RRP1B: variants seen among roughly 807,000 people sequenced by gnomAD.
RRP1B encodes ribosomal RNA processing 1B.
A neutral mutation model predicts 80.2 loss-of-function variants in RRP1B; 56 were observed. That is an observed-to-expected ratio of 0.70 (90% CI 0.56 to 0.87). The LOEUF is 0.87. Ranked by LOEUF, RRP1B falls within the 40% of genes least tolerant of loss-of-function variation. The probability of loss-of-function intolerance (pLI) is 0.00; values close to 1 mark genes in which losing one functional copy is unlikely to be tolerated. For synonymous variants in RRP1B, 351 were observed against 357.6 expected, an observed-to-expected ratio of 0.98 and a Z score of 0.21; for missense variants, 807 against 939.8, an observed-to-expected ratio of 0.86 and a Z score of 1.85.
intron 3 of RRP1B, among the ~76,000 whole-genome samples, chr21:43,673,576 A>G (rs1012761548): frequency 6.6e-6 from 1 of 150,694 alleles, no homozygotes; most frequent in South Asian, 2.1e-4. Context: ...AGAGGTTGCA[A>G]TGAGCTGAGA....
chr21:43,681,981 T>A (rs925027317), intron 8 of RRP1B, among the ~76,000 whole-genome samples: 22 of 151,446 alleles, frequency 1.5e-4, no homozygotes, highest in African/African-American at 4.9e-4. Context: ...AAAGAAATAG[T>A]CTAGTCTAGG....
rs573562193 is a variant in RRP1B, at chr21:43,672,496, G to A, written c.271+131G>A. 787 of 765,540 alleles carry A rather than the reference G, an allele frequency of 1.0e-3. 2 individuals carry two copies. Among genetic ancestry groups the A allele is most frequent in the Non-Finnish European group, 1.3e-3 (583 of 448,520 alleles). 47.4% of individuals were successfully genotyped at this position (765,540 alleles called of 1,614,324 possible). On this transcript the variant is annotated intron_variant, in intron 3 of 15. Transcript: ENST00000340648. The stretch of plus-strand genomic sequence containing the variant: ...GTTTTTAAAAGCTGTGATAAACTTA[G>A]TCATTGACTTGGTGAGAGGGCACAG...
intron 7 of RRP1B, 60 bp from the exon 8 acceptor site, chr21:43,676,673 A>G (rs1003624630): frequency 2.7e-6 from 4 of 1,492,902 alleles, no homozygotes; most frequent in African/African-American, 2.8e-5. Context: ...GTGCCCCTGA[A>G]GCCAGAAGGC....
intron 12 of RRP1B, 102 bp from the exon 13 acceptor site, chr21:43,687,412 AAT>A (rs1244158831): frequency 5.3e-6 from 7 of 1,308,958 alleles, no homozygotes; most frequent in Non-Finnish European, 6.1e-6. Context: ...CTCGTGGTAG[AAT>A]GTCAGGAAAT....
chr21:43,663,698 C>A (rs1237852621), intron 1 of RRP1B, among the ~76,000 whole-genome samples: 1 of 152,064 alleles, frequency 6.6e-6, no homozygotes, highest in African/African-American at 2.4e-5. Context: ...GCTGGGACTA[C>A]AGGCATGCAC....
chr21:43,667,412 G>GGT (rs72166295), intron 1 of RRP1B, among the ~76,000 whole-genome samples: 2,404 of 151,016 alleles, frequency 0.016, 66 homozygotes, highest in African/African-American at 0.054. Flanking sequence ...TTTTGTTGTT[G>GGT]GTGTGTGTGT....
intron 8 of RRP1B, among the ~76,000 whole-genome samples, chr21:43,678,890 G>A (rs2083032467): frequency 6.6e-6 from 1 of 152,114 alleles, no homozygotes; most frequent in Non-Finnish European, 1.5e-5. Context: ...CAATTTGTAT[G>A]GTTTCAGGTC....
intron 12 of RRP1B, among the ~76,000 whole-genome samples, chr21:43,687,279 T>C (rs886207405): frequency 6.6e-6 from 1 of 152,122 alleles, no homozygotes; most frequent in Admixed American, 6.5e-5. Flanking sequence ...ACTATTTCAG[T>C]TCCATATGTG....
At chr21:43,675,844 A>G (rs1481773017) in intron 6 of RRP1B, among the ~76,000 whole-genome samples, 2 of 73,854 alleles carry the variant, frequency 2.7e-5, no homozygotes, top group East Asian at 5.7e-4. Flanking sequence ...GGTATTTTGC[A>G]TTTTATTTTA....
intron 13 of RRP1B, among the ~76,000 whole-genome samples, chr21:43,689,232 T>C (rs1256956309): frequency 1.3e-5 from 2 of 152,272 alleles, no homozygotes; most frequent in Non-Finnish European, 2.9e-5. Context: ...GACAGAGACC[T>C]GCGGTCTGTA....
chr21:43,693,018 G>A lies in RRP1B; in HGVS notation c.2084-172G>A, dbSNP rs2083093208. Among the ~76,000 whole-genome samples, 2 of 152,132 alleles carry A rather than the reference G, an allele frequency of 1.3e-5. No individual in the cohort carries two copies. The highest frequency in any genetic ancestry group is 4.8e-5 in the African/African-American group (2 of 41,430). ...TTGAGGCATGGGATGTGGCCTCACTGCCCTCCTTTCCTCAGAAGGCTCTTG... is the reference window on the plus strand; with the variant it reads ...TTGAGGCATGGGATGTGGCCTCACTACCCTCCTTTCCTCAGAAGGCTCTTG... On this transcript the variant is annotated intron_variant, in intron 15 of 15. Coordinates refer to ENST00000340648, the MANE Select transcript of RRP1B (RefSeq NM_015056.3). This position sits in a 1 kb window ranked among gnomAD's most constrained non-coding sequence, Gnocchi z 4.1.
At position 43,695,168 on chromosome 21, in the gene RRP1B, ACTTTT is replaced by A. The variant is rs1165574243; in HGVS notation, c.*1791_*1795del. ...CAATTAAGGTGAGCAAATAGTTTTA[ACTTTT>A]CTTTTTTTTTTTTAAGTTTCATTCT... On this transcript the variant is annotated 3_prime_UTR_variant, in exon 16 of 16. Coordinates refer to ENST00000340648, the MANE Select transcript of RRP1B (RefSeq NM_015056.3). The A allele has an allele frequency of 2.8e-5, 3 of 105,936 alleles. No individual in the cohort carries two copies. Among genetic ancestry groups the A allele is most frequent in the Admixed American group, 1.2e-4 (1 of 8,280 alleles). 6.6% of individuals were successfully genotyped at this position (105,936 alleles called of 1,614,324 possible).
intron 14 of RRP1B, 84 bp downstream of exon 14, chr21:43,690,524 G>C: frequency 1.3e-6 from 2 of 1,487,080 alleles, no homozygotes; most frequent in South Asian, 2.5e-5. Flanking sequence ...CCCATGCCGG[G>C]CCTGGAGCCC....
Position 43,693,267 on chromosome 21 carries a change from C to G in RRP1B, c.2161C>G (p.Pro721Ala). The G allele has an allele frequency of 6.2e-7, 1 of 1,614,014 alleles. No individual in the cohort carries two copies. The highest frequency in any genetic ancestry group is 8.5e-7 in the Non-Finnish European group (1 of 1,179,986). ...SRVAFDPEQK[P>A]LHGVLKTPTS... is the part of the protein sequence containing the mutation. The stretch of plus-strand genomic sequence containing the variant: ...AGTGGCCTTCGACCCTGAACAGAAG[C>G]CCCTCCACGGGGTGCTGAAGACCCC... The change falls in exon 16 of 16, where the codon CCC (proline) becomes GCC (alanine). Residue 721 changes from proline to alanine, a missense_variant. Transcript: ENST00000340648. The surrounding 1 kb of genome is among the most constrained non-coding windows in gnomAD (Gnocchi z 4.1).
In RRP1B at chr21:43,691,224, G is replaced by A. The variant is rs531454805; in HGVS notation, c.2020-215G>A. Among the ~76,000 whole-genome samples the A allele has an allele frequency of 1.3e-5, 2 of 152,300 alleles. No homozygotes were observed. The highest frequency in any genetic ancestry group is 2.1e-4 in the South Asian group (1 of 4,828). On this transcript the variant is annotated intron_variant, in intron 14 of 15. Coordinates refer to ENST00000340648, the MANE Select transcript of RRP1B (RefSeq NM_015056.3). The surrounding 1 kb of genome is among the most constrained non-coding windows in gnomAD (Gnocchi z 4.2). ...GGCTGGGGGGTTGCGTGTGTGGGACGCTGGGAAGGACAAAGGGCGGTCCTG... is the reference window on the plus strand; with the variant it reads ...GGCTGGGGGGTTGCGTGTGTGGGACACTGGGAAGGACAAAGGGCGGTCCTG...
intron 9 of RRP1B, among the ~76,000 whole-genome samples, chr21:43,684,089 T>TTTTTTTA (rs2083053841): frequency 6.7e-6 from 1 of 150,342 alleles, no homozygotes; most frequent in African/African-American, 2.4e-5. Context: ...TTTTTTTTTT[T>TTTTTTTA]GAGACAGAGT....
At chr21:43,665,447 G>T (rs997693398) in intron 1 of RRP1B, among the ~76,000 whole-genome samples, 9 of 152,348 alleles carry the variant, frequency 5.9e-5, no homozygotes, top group Admixed American at 5.2e-4. Flanking sequence ...CACTTTGATG[G>T]TGGTAAGGTT....
chr21:43,679,994 G>A (rs1474257015), intron 8 of RRP1B, among the ~76,000 whole-genome samples: 1 of 152,102 alleles, frequency 6.6e-6, no homozygotes, highest in Non-Finnish European at 1.5e-5. Context: ...TCTCAGCTTG[G>A]TCGTTGTTGG....
intron 1 of RRP1B, among the ~76,000 whole-genome samples, chr21:43,663,381 T>C (rs1300474376): frequency 6.6e-6 from 1 of 152,126 alleles, no homozygotes; most frequent in African/African-American, 2.4e-5. Context: ...TTCTCCCGCC[T>C]CACCCTCCCG....
Sources: allele counts gnomAD v4.1 joint callset (sites outside exome capture counted in the v4.1 genomes callset), GRCh38; gene constraint gnomAD v4.1.1; non-coding constraint Gnocchi (gnomAD v3.1); transcripts MANE v1.5; gene names NCBI Gene and HGNC (gene_info 2026-07-23, HGNC 2026-07-21).